The following NDUFA9 variants were observed in gnomAD, a reference collection of about 807,000 sequenced individuals.
NDUFA9 encodes the protein NADH dehydrogenase [ubiquinone] 1 alpha subcomplex subunit 9, mitochondrial.
Under a neutral mutation model 45.9 loss-of-function variants are expected in NDUFA9, and 23 were observed. That is an observed-to-expected ratio of 0.50 (90% confidence interval 0.36 to 0.71). NDUFA9 has a LOEUF of 0.71. NDUFA9 is among the 30% of genes least tolerant of loss of function. The probability of loss-of-function intolerance (pLI) is 0.00; values close to 1 mark genes in which losing one functional copy is unlikely to be tolerated. For missense variants in NDUFA9, 466 were observed against 488.2 expected, an observed-to-expected ratio of 0.95 and a Z score of 0.43; for synonymous variants, 176 against 170.5, an observed-to-expected ratio of 1.03 and a Z score of -0.25.
At chr12:4,674,780 G>A (rs958131799) in intron 8 of NDUFA9, among the ~76,000 whole-genome samples, 2 of 152,154 alleles carry the variant, frequency 1.3e-5, no homozygotes, top group Non-Finnish European at 2.9e-5. Context: ...AAATTAACAA[G>A]GATATCCAGG....
intron 4 of NDUFA9, among the ~76,000 whole-genome samples, chr12:4,658,300 G>A (rs1945803227): frequency 6.6e-6 from 1 of 152,128 alleles, no homozygotes; most frequent in Non-Finnish European, 1.5e-5. Flanking sequence ...CAATCCTATA[G>A]TCCACAACAC....
intron 9 of NDUFA9, among the ~76,000 whole-genome samples, chr12:4,683,993 T>C (rs1284637855): frequency 6.6e-6 from 1 of 152,202 alleles, no homozygotes; most frequent in African/African-American, 2.4e-5. Context: ...ATAAGCCAGA[T>C]TGCAGTGAGG....
intron 8 of NDUFA9, among the ~76,000 whole-genome samples, chr12:4,679,618 C>CATTTG (rs1338182286): frequency 2.6e-5 from 4 of 152,182 alleles, no homozygotes; most frequent in Non-Finnish European, 5.9e-5. Flanking sequence ...GATTCATGGT[C>CATTTG]ACCTTAATGA....
rs199935545 is a variant in NDUFA9 at position 4,662,551 on chromosome 12, G to C, written c.571G>C (p.Val191Leu). ...TGTTTAGGCTGTTGGAGAGAAAGTA[G>C]TGAGAGATGCATTTCCGGAAGCCAT... ...LRNKAVGEKVVRDAFPEAIIV... is the reference protein window; with the variant it reads ...LRNKAVGEKVLRDAFPEAIIV... Residue 191 changes from valine to leucine, a missense_variant, in exon 6 of 11, where the codon GTG (valine) becomes CTG (leucine). By Grantham distance (32) the Val-to-Leu change is conservative. Coordinates refer to ENST00000266544, the MANE Select transcript of NDUFA9 (RefSeq NM_005002.5). 4 of 1,613,912 alleles carry C rather than the reference G, an allele frequency of 2.5e-6. No homozygotes were observed. The Admixed American group carries it at 6.7e-5, about 27-fold the overall frequency.
intron 6 of NDUFA9, 108 bp downstream of exon 6, chr12:4,662,743 T>C: frequency 4.7e-6 from 4 of 843,486 alleles, no homozygotes; most frequent in Non-Finnish European, 7.4e-6. Flanking sequence ...ATATTTTTTC[T>C]TTCCCAGTTG....
At chr12:4,657,707 A>G (rs757115764) in intron 3 of NDUFA9, 41 bp from the exon 4 acceptor site, 3 of 1,447,228 alleles carry the variant, frequency 2.1e-6, no homozygotes, top group Non-Finnish European at 2.9e-6. Context: ...GTGCTGAGGT[A>G]TACCCCTATG....
At chr12:4,681,218 T>A (rs1262725857) in intron 8 of NDUFA9, among the ~76,000 whole-genome samples, 1 of 152,188 alleles carries the variant, frequency 6.6e-6, no homozygotes, top group East Asian at 1.9e-4. Flanking sequence ...TTTCTAACTA[T>A]GAATCCAAGC....
At chr12:4,668,943 G>C (rs558652343) in intron 7 of NDUFA9, among the ~76,000 whole-genome samples, 25 of 152,298 alleles carry the variant, frequency 1.6e-4, no homozygotes, top group African/African-American at 4.6e-4. Context: ...TCAAAAGGAA[G>C]GGCATTTAGG....
chr12:4,661,648 A>C (rs1945823630), intron 5 of NDUFA9, among the ~76,000 whole-genome samples: 1 of 140,588 alleles, frequency 7.1e-6, no homozygotes, highest in African/African-American at 2.6e-5. Context: ...CTAATCTGGA[A>C]TTCAGAGGGA....
chr12:4,662,117 A>G (rs1591544506), intron 5 of NDUFA9, among the ~76,000 whole-genome samples: 1 of 152,194 alleles, frequency 6.6e-6, no homozygotes. Context: ...TCTATCCCCA[A>G]CCTCCTTTGG....
At chr12:4,673,626 G>A (rs909210098) in intron 8 of NDUFA9, among the ~76,000 whole-genome samples, 2 of 146,418 alleles carry the variant, frequency 1.4e-5, no homozygotes, top group African/African-American at 5.0e-5. Context: ...CAAGATAAGA[G>A]ACAAAAGAGT....
At chr12:4,670,595 T>C (rs956135635) in intron 8 of NDUFA9, among the ~76,000 whole-genome samples, 2 of 152,226 alleles carry the variant, frequency 1.3e-5, no homozygotes, top group African/African-American at 4.8e-5. Context: ...CCAAGAGGCA[T>C]AGAATATACT....
intron 8 of NDUFA9, among the ~76,000 whole-genome samples, chr12:4,677,659 G>C (rs921443288): frequency 6.6e-6 from 1 of 152,214 alleles, no homozygotes; most frequent in Non-Finnish European, 1.5e-5. Context: ...ATGCTGGAGA[G>C]GATGTGGAGA....
chr12:4,686,930 A>G lies in NDUFA9; in HGVS notation c.964-8A>G. ...CAGCATTGTCTGTGGTCCTTTGTTT[A>G]TCCAAAGATGCACATCACAGACATG... is the stretch of plus-strand genomic sequence containing the variant. On this transcript the variant is annotated splice_region_variant and splice_polypyrimidine_tract_variant and intron_variant, in intron 10 of 10. Transcript: ENST00000266544. The G allele has an allele frequency of 1.2e-6, 2 of 1,613,252 alleles. No individual in the cohort carries two copies. The highest frequency in any genetic ancestry group is 1.7e-6 in the Non-Finnish European group (2 of 1,179,554).
chr12:4,649,577 T>C (rs959547360), intron 1 of NDUFA9, among the ~76,000 whole-genome samples: 14 of 152,196 alleles, frequency 9.2e-5, no homozygotes, highest in Non-Finnish European at 1.5e-4. Flanking sequence ...TTTTATGACC[T>C]TGTGCAAACC....
intron 10 of NDUFA9, among the ~76,000 whole-genome samples, chr12:4,685,576 A>G (rs1476907985): frequency 1.3e-5 from 2 of 152,026 alleles, no homozygotes; most frequent in African/African-American, 2.4e-5. Context: ...AAAATTGCCT[A>G]ATAGCTCCCC....
intron 2 of NDUFA9, 105 bp downstream of exon 2, chr12:4,654,567 A>G: frequency 7.6e-7 from 1 of 1,309,716 alleles, no homozygotes; most frequent in Non-Finnish European, 1.1e-6. Flanking sequence ...ATTATGAATT[A>G]CTCCTGTCTT....
At chr12:4,686,811 T>C in intron 10 of NDUFA9, 127 bp from the exon 11 acceptor site, 1 of 886,974 alleles carries the variant, frequency 1.1e-6, no homozygotes, top group Non-Finnish European at 1.7e-6. Context: ...TTGCCACATA[T>C]TCTTTGAAAG....
chr12:4,659,181 A>G lies in NDUFA9; in HGVS notation c.552+4A>G. The G allele has an allele frequency of 2.5e-6, 4 of 1,609,458 alleles. No individual in the cohort carries two copies. The highest frequency in any genetic ancestry group is 2.7e-5 in the African/African-American group (2 of 74,914). ...TTCTAGATATTTGAGAAATAAGGTA[A>G]GTAACAAATTGATCTGGGAAGTGGT... On this transcript the variant is annotated splice_donor_region_variant and intron_variant, in intron 5 of 10. Coordinates refer to ENST00000266544, the MANE Select transcript of NDUFA9 (RefSeq NM_005002.5).
Sources: gnomAD v4.1 joint callset for allele counts (sites outside exome capture counted in the v4.1 genomes callset) on GRCh38, gnomAD v4.1.1 for gene constraint, MANE v1.5 for transcripts, NCBI Gene and HGNC (gene_info 2026-07-23, HGNC 2026-07-21) for gene names.